Variants in COX7B2 observed in about 807,000 individuals in gnomAD.
The protein encoded by COX7B2 is cytochrome c oxidase subunit 7B2, mitochondrial.
For synonymous variants in COX7B2, 37 were observed against 32.1 expected, an observed-to-expected ratio of 1.15 and a Z score of -0.51; for missense variants, 109 against 95.9, an observed-to-expected ratio of 1.14 and a Z score of -0.57.
intron 1 of COX7B2, among the ~76,000 whole-genome samples, chr4:46,872,041 A>G (rs1235448321): frequency 2.6e-5 from 4 of 152,202 alleles, no homozygotes; most frequent in African/African-American, 7.2e-5. Flanking sequence ...TTACAGCACT[A>G]TTCACAATAG....
intron 2 of COX7B2, among the ~76,000 whole-genome samples, chr4:46,790,568 G>A (rs13134677): frequency 0.011 from 1,730 of 152,264 alleles, 13 homozygotes; most frequent in Non-Finnish European, 0.018. Context: ...CTAAGATAAA[G>A]ACAATTAGAG....
intron 1 of COX7B2, among the ~76,000 whole-genome samples, chr4:46,879,785 T>C (rs1718592472): frequency 6.6e-6 from 1 of 152,070 alleles, no homozygotes; most frequent in South Asian, 2.1e-4. Flanking sequence ...GGAGTGCCGT[T>C]CCAATCCTTC....
Position 46,820,484 on chromosome 4 carries a change from C to T in COX7B2, c.-50+24476G>A, listed in dbSNP as rs1290893442. ...TGGGCTGGTACCGGTCCATGGCCTG[C>T]GGGTTGGGGATCCCAGCTCTATCTA... is the stretch of plus-strand genomic sequence containing the variant. On this transcript the variant is annotated intron_variant, in intron 2 of 2. Coordinates refer to ENST00000355591, the MANE Select transcript of COX7B2 (RefSeq NM_130902.3). 5.9e-5 allele frequency among the ~76,000 whole-genome samples: 9 copies of T among 152,216 alleles called. No individual in the cohort carries two copies. In the South Asian group the frequency reaches 1.2e-3, roughly 21 times the overall value.
chr4:46,859,156 C>T (rs1414957805), intron 1 of COX7B2, among the ~76,000 whole-genome samples: 1 of 152,180 alleles, frequency 6.6e-6, no homozygotes, highest in South Asian at 2.1e-4. Context: ...CTGAAAATGT[C>T]GTGTCTCACA....
At chr4:46,877,154 T>C (rs1461108727) in intron 1 of COX7B2, among the ~76,000 whole-genome samples, 1 of 152,138 alleles carries the variant, frequency 6.6e-6, no homozygotes, top group Admixed American at 6.5e-5. Flanking sequence ...CTGAACTTGG[T>C]GTATCAGGGA....
At chr4:46,899,324 G>C (rs529474108) in intron 1 of COX7B2, among the ~76,000 whole-genome samples, 2 of 152,182 alleles carry the variant, frequency 1.3e-5, no homozygotes, top group Admixed American at 6.5e-5. Context: ...TAAAAAGAAT[G>C]TGAAACCTTG....
chr4:46,736,748 ATACTTT>A (rs1714389277), intron 2 of COX7B2, among the ~76,000 whole-genome samples: 1 of 152,106 alleles, frequency 6.6e-6, no homozygotes, highest in Non-Finnish European at 1.5e-5. Context: ...ACTTCAAAAT[ATACTTT>A]TAAAGTTCAT....
intron 1 of COX7B2, among the ~76,000 whole-genome samples, chr4:46,870,804 G>T (rs1003279068): frequency 6.6e-6 from 1 of 152,032 alleles, no homozygotes; most frequent in Non-Finnish European, 1.5e-5. Flanking sequence ...TCTCTACAAT[G>T]AGAATTCCAA....
At chr4:46,832,414 A>G (rs1715205120) in intron 2 of COX7B2, among the ~76,000 whole-genome samples, 1 of 152,224 alleles carries the variant, frequency 6.6e-6, no homozygotes, top group South Asian at 2.1e-4. Flanking sequence ...CACCAATTCC[A>G]GACACAAAAG....
chr4:46,778,125 G>A (rs1717256868), intron 2 of COX7B2, among the ~76,000 whole-genome samples: 1 of 152,138 alleles, frequency 6.6e-6, no homozygotes, highest in Non-Finnish European at 1.5e-5. Flanking sequence ...TAACTGGCAT[G>A]AGTCTGAAGG....
chr4:46,880,487 G>A (rs140029338), intron 1 of COX7B2, among the ~76,000 whole-genome samples: 1 of 136,502 alleles, frequency 7.3e-6, no homozygotes, highest in East Asian at 2.4e-4. Context: ...ATTGGCCTAT[G>A]CAGGAAGACA....
In COX7B2 at chr4:46,796,316, A is replaced by T. The variant is rs568127656; in HGVS notation, c.-50+48644T>A. On this transcript the variant is annotated intron_variant, in intron 2 of 2. Transcript: ENST00000355591. ...GAATGCTTCCAGTTTTTGCCCATTT[A>T]TGCAGCCAAAAAACACATGAAGAAA... Among the ~76,000 whole-genome samples the T allele has an allele frequency of 4.0e-5, 6 of 148,628 alleles. No individual in the cohort carries two copies. In the East Asian group the frequency reaches 1.2e-3, roughly 29 times the overall value.
chr4:46,861,956 A>C (rs1252828502), intron 1 of COX7B2, among the ~76,000 whole-genome samples: 4 of 151,918 alleles, frequency 2.6e-5, no homozygotes, highest in African/African-American at 9.7e-5. Context: ...CCCAGCCTAC[A>C]CTCCCTACTA....
At position 46,805,982 on chromosome 4, in the gene COX7B2, T is replaced by G. The variant is rs570118539; in HGVS notation, c.-50+38978A>C. Among the ~76,000 whole-genome samples the G allele has an allele frequency of 1.7e-4, 26 of 152,310 alleles. No individual in the cohort carries two copies. The Middle Eastern group carries it at 0.01, about 60-fold the overall frequency. On this transcript the variant is annotated intron_variant, in intron 2 of 2. Transcript: ENST00000355591. ...TCTTCTTCCTTTATCTTCCTAATTC[T>G]TGGCACAGAATGTAAGCTTAATTAA...
At chr4:46,888,453 C>G (rs1209402869) in intron 1 of COX7B2, among the ~76,000 whole-genome samples, 1 of 138,400 alleles carries the variant, frequency 7.2e-6, no homozygotes. Context: ...TTTTTTTTTT[C>G]TTTTTTTTGA....
intron 2 of COX7B2, among the ~76,000 whole-genome samples, chr4:46,799,542 T>C (rs1045180135): frequency 1.3e-4 from 20 of 152,132 alleles, no homozygotes; most frequent in African/African-American, 4.8e-4. Flanking sequence ...CAATAACTAG[T>C]TTGTTGAGAG....
intron 1 of COX7B2, among the ~76,000 whole-genome samples, chr4:46,893,988 T>C (rs749100765): frequency 4.6e-5 from 7 of 152,180 alleles, no homozygotes; most frequent in African/African-American, 7.2e-5. Flanking sequence ...ATGAGAATTC[T>C]AAAAACACTG....
At chr4:46,892,197 G>A (rs983636482) in intron 1 of COX7B2, among the ~76,000 whole-genome samples, 1 of 152,052 alleles carries the variant, frequency 6.6e-6, no homozygotes. Flanking sequence ...CGGGGCCACT[G>A]GTACCACTGT....
In COX7B2 at chr4:46,734,901, C is replaced by T; in HGVS notation, c.*46G>A. 4.3e-6 allele frequency: 7 copies of T among 1,609,694 alleles called. No individual in the cohort carries two copies. The highest frequency in any genetic ancestry group is 5.9e-6 in the Non-Finnish European group (7 of 1,176,504). On this transcript the variant is annotated 3_prime_UTR_variant, in exon 3 of 3. Coordinates refer to ENST00000355591, the MANE Select transcript of COX7B2 (RefSeq NM_130902.3). The stretch of plus-strand genomic sequence containing the variant: ...AATAAGCAGTAGAGTGCTTACATGA[C>T]AAGTTGGTTTTTTAAACAATTCTGT...
Sources: gnomAD v4.1 joint callset for allele counts (sites outside exome capture counted in the v4.1 genomes callset) on GRCh38, gnomAD v4.1.1 for gene constraint, MANE v1.5 for transcripts, NCBI Gene and HGNC (gene_info 2026-07-23, HGNC 2026-07-21) for gene names.